The following MTREX variants were observed in gnomAD, a reference collection of about 807,000 sequenced individuals.
The protein encoded by MTREX is Mtr4 exosome RNA helicase.
Under a neutral mutation model 135.4 loss-of-function variants are expected in MTREX, and 76 were observed. The ratio of observed to expected loss-of-function variants is 0.56; its 90% CI spans 0.47 to 0.68. The LOEUF is 0.68. Among genes scored for constraint, MTREX ranks in the 30% least tolerant of loss-of-function variants. MTREX has a pLI of 0.00. For synonymous variants in MTREX, 404 were observed against 401.6 expected, an observed-to-expected ratio of 1.01 and a Z score of -0.07; for missense variants, 920 against 1,262.1, an observed-to-expected ratio of 0.73 and a Z score of 4.11.
chr5:55,424,508 C>A, intron 26 of MTREX: 1 of 488,006 alleles, frequency 2.0e-6, no homozygotes, highest in Non-Finnish European at 3.7e-6. Context: ...TGGAGTATTT[C>A]AGAGTCAAAA....
chr5:55,422,311 CTG>C (rs1400935662), intron 25 of MTREX, among the ~76,000 whole-genome samples: 4 of 152,158 alleles, frequency 2.6e-5, no homozygotes, highest in Non-Finnish European at 4.4e-5. Flanking sequence ...CTTGAGAACA[CTG>C]TGTAAAGAAC....
intron 16 of MTREX, among the ~76,000 whole-genome samples, chr5:55,374,244 A>T (rs1750255861): frequency 6.7e-6 from 1 of 150,292 alleles, no homozygotes; most frequent in South Asian, 2.1e-4. Context: ...GCAACGGAGC[A>T]AGACTGTCTC....
intron 7 of MTREX, 48 bp downstream of exon 7, chr5:55,341,819 C>CA (rs1457721860): frequency 3.1e-6 from 3 of 957,738 alleles, no homozygotes; most frequent in Non-Finnish European, 4.7e-6. Flanking sequence ...TTCAGAATGA[C>CA]ATTAGGAATT....
intron 21 of MTREX, among the ~76,000 whole-genome samples, chr5:55,403,989 C>T (rs1363178707): frequency 6.6e-6 from 1 of 152,142 alleles, no homozygotes; most frequent in East Asian, 1.9e-4. Context: ...GTAATCTCTC[C>T]GTGCCTCAGT....
chr5:55,316,780 C>T (rs144055542), intron 1 of MTREX, among the ~76,000 whole-genome samples: 124 of 152,206 alleles, frequency 8.1e-4, no homozygotes, highest in African/African-American at 2.8e-3. Context: ...GAAGTCCTAG[C>T]CAGAGCAGTT....
intron 13 of MTREX, among the ~76,000 whole-genome samples, chr5:55,351,904 C>G (rs530043883): frequency 8.6e-5 from 13 of 151,632 alleles, no homozygotes; most frequent in African/African-American, 2.9e-4. Flanking sequence ...GCAGTAGCAC[C>G]TCTGCCTCCT....
At chr5:55,323,019 T>G (rs548286688) in intron 2 of MTREX, among the ~76,000 whole-genome samples, 6 of 152,340 alleles carry the variant, frequency 3.9e-5, no homozygotes, top group African/African-American at 1.2e-4. Flanking sequence ...CTTTACAACT[T>G]TGCTCCTCCC....
intron 25 of MTREX, among the ~76,000 whole-genome samples, chr5:55,418,107 G>A (rs1750999715): frequency 6.6e-6 from 1 of 151,230 alleles, no homozygotes; most frequent in Non-Finnish European, 1.5e-5. Context: ...GGTGGCAGGA[G>A]CCTGTAGTCC....
At chr5:55,343,251 A>G (rs2112059846) in intron 7 of MTREX, 80 bp from the exon 8 acceptor site, 1 of 1,262,538 alleles carries the variant, frequency 7.9e-7, no homozygotes, top group East Asian at 2.4e-5. Flanking sequence ...ATAAAGCTTC[A>G]GAGAATATAA....
At chr5:55,371,970 T>A (rs1003275937) in intron 16 of MTREX, among the ~76,000 whole-genome samples, 4 of 152,130 alleles carry the variant, frequency 2.6e-5, no homozygotes, top group Admixed American at 1.3e-4. Context: ...TGGAGTGATA[T>A]AAAAAAGAAA....
chr5:55,324,247 C>G (rs767702199), intron 3 of MTREX, 49 bp downstream of exon 3: 3 of 1,355,380 alleles, frequency 2.2e-6, no homozygotes, highest in Admixed American at 3.5e-5. Context: ...TGGGATTTTT[C>G]TTTGGACTAT....
At chr5:55,377,682 G>A (rs1274374276) in intron 16 of MTREX, among the ~76,000 whole-genome samples, 1 of 152,144 alleles carries the variant, frequency 6.6e-6, no homozygotes, top group African/African-American at 2.4e-5. Context: ...AAACCAGGGT[G>A]TGGCCTGTGA....
chr5:55,399,422 T>C (rs1750689518), intron 20 of MTREX, among the ~76,000 whole-genome samples: 1 of 152,222 alleles, frequency 6.6e-6, no homozygotes, highest in Admixed American at 6.5e-5. Context: ...TGTATGAATA[T>C]GTCTATTGCA....
chr5:55,309,870 C>T (rs1011791852), intron 1 of MTREX, among the ~76,000 whole-genome samples: 1 of 152,108 alleles, frequency 6.6e-6, no homozygotes, highest in Non-Finnish European at 1.5e-5. Context: ...AAAATTCTAT[C>T]AGGAGTGCGA....
intron 18 of MTREX, among the ~76,000 whole-genome samples, chr5:55,383,595 G>A (rs1368890479): frequency 6.6e-6 from 1 of 152,004 alleles, no homozygotes; most frequent in Non-Finnish European, 1.5e-5. Context: ...GCTGCTTTAA[G>A]ATTTTCTCTT....
At position 55,328,744 on chromosome 5, in the gene MTREX, T is replaced by G. The variant is rs775812176; in HGVS notation, c.448T>G (p.Cys150Gly). 1 of 1,613,680 alleles carries G rather than the reference T, an allele frequency of 6.2e-7. No homozygotes were observed. Among genetic ancestry groups the G allele is most frequent in the Non-Finnish European group, 8.5e-7 (1 of 1,179,692 alleles). The change falls in exon 5 of 27, where the codon TGT becomes GGT. Residue 150 changes from cysteine (C) to glycine (G), a missense_variant. By Grantham distance (159) the Cys-to-Gly change is radical. Transcript: ENST00000230640. The part of the protein sequence containing the change: ...LDAFQREAIQ[C>G]VDNNQSVLVS... Reference sequence around the variant, plus strand: ...TGCTTTTCAAAGAGAGGCCATTCAGTGTGTTGACAATAATCAGTCTGTTCT... The same window carrying G: ...TGCTTTTCAAAGAGAGGCCATTCAGGGTGTTGACAATAATCAGTCTGTTCT...
intron 5 of MTREX, among the ~76,000 whole-genome samples, chr5:55,332,985 T>A (rs1336329589): frequency 2.6e-5 from 4 of 152,184 alleles, no homozygotes; most frequent in African/African-American, 9.6e-5. Context: ...TTTATTGATT[T>A]TTTTCCCTTG....
chr5:55,333,152 T>C (rs1397123955), intron 5 of MTREX, among the ~76,000 whole-genome samples: 1 of 152,204 alleles, frequency 6.6e-6, no homozygotes, highest in East Asian at 1.9e-4. Flanking sequence ...CTTAGCTGTG[T>C]AAGTCTCAGT....
At chr5:55,395,525 GT>G (rs1310219826) in intron 19 of MTREX, among the ~76,000 whole-genome samples, 8 of 152,166 alleles carry the variant, frequency 5.3e-5, no homozygotes, top group African/African-American at 1.9e-4. Flanking sequence ...CAAACTGAAA[GT>G]TTAATGAAGA....
Sources: gnomAD v4.1 joint callset for allele counts (sites outside exome capture counted in the v4.1 genomes callset) on GRCh38, gnomAD v4.1.1 for gene constraint, MANE v1.5 for transcripts, NCBI Gene and HGNC (gene_info 2026-07-23, HGNC 2026-07-21) for gene names.